The following FRMD4A variants were observed in gnomAD, a reference collection of about 807,000 sequenced individuals.
FRMD4A encodes FERM domain-containing protein 4A.
FRMD4A carries 29 observed loss-of-function variants against 129.1 expected under a neutral mutation model. That is an observed-to-expected ratio of 0.22 (90% CI 0.17 to 0.31). The LOEUF is 0.31. Among genes scored for constraint, FRMD4A ranks in the 10% least tolerant of loss-of-function variants. The pLI is 1.00. For synonymous variants in FRMD4A, 634 were observed against 571.6 expected, an observed-to-expected ratio of 1.11 and a Z score of -1.56; for missense variants, 1,272 against 1,375.8, an observed-to-expected ratio of 0.92 and a Z score of 1.19.
chr10:14,162,646 T>G lies in FRMD4A; in HGVS notation c.45+167412A>C, dbSNP rs572109579. On this transcript the variant is annotated intron_variant, in intron 2 of 24. Coordinates refer to ENST00000357447, the MANE Select transcript of FRMD4A (RefSeq NM_018027.5). ...AGTTTCTCTGTTTTTTTTTTGTTTT[T>G]TTTTTTTTTTTTTGTATATGTTTTC... 1.3e-3 allele frequency among the ~76,000 whole-genome samples: 192 copies of G among 150,180 alleles called. 2 individuals carry two copies. Among genetic ancestry groups the G allele is most frequent in the African/African-American group, 3.6e-3 (148 of 40,652 alleles).
chr10:13,869,050 T>A (rs931765293), intron 2 of FRMD4A, among the ~76,000 whole-genome samples: 2 of 152,236 alleles, frequency 1.3e-5, no homozygotes, highest in Non-Finnish European at 1.5e-5. Flanking sequence ...AAGCTCATCC[T>A]AGGGACGCTG....
chr10:14,216,601 A>G lies in FRMD4A; in HGVS notation c.45+113457T>C, dbSNP rs374711358. Among the ~76,000 whole-genome samples the G allele has an allele frequency of 4.2e-4, 64 of 152,284 alleles. No individual in the cohort carries two copies. In the South Asian group the frequency reaches 0.013, roughly 31 times the overall value. On this transcript the variant is annotated intron_variant, in intron 2 of 24. Coordinates refer to ENST00000357447, the MANE Select transcript of FRMD4A (RefSeq NM_018027.5). Reference sequence around the variant, plus strand: ...ATATCCTTGGTCACTGGAAGAGGCTATGTTTTCAAAAGAGGATGCAAATTG... The same window carrying G: ...ATATCCTTGGTCACTGGAAGAGGCTGTGTTTTCAAAAGAGGATGCAAATTG...
At position 13,737,856 on chromosome 10, in the gene FRMD4A, C is replaced by T; in HGVS notation, c.747G>A (p.Val249=). 1 of 1,589,992 alleles carries T rather than the reference C, an allele frequency of 6.3e-7. No homozygotes were observed. The highest frequency in any genetic ancestry group is 8.6e-7 in the Non-Finnish European group (1 of 1,158,208). ...AGACCAGCCTTACCTTTCTTGGCTT[C>T]ACTTTATCATGGTAGTCATACTGGA... ...GIFQYDYHDK[V]KPRKIFQWRQ... Residue 249 remains valine, a synonymous_variant, in exon 12 of 25, where the codon GTG becomes GTA. Transcript: ENST00000357447.
intron 2 of FRMD4A, among the ~76,000 whole-genome samples, chr10:13,998,451 A>G (rs1232901962): frequency 6.6e-6 from 1 of 151,992 alleles, no homozygotes; most frequent in Non-Finnish European, 1.5e-5. Context: ...TCCAATACAG[A>G]CCTCTCACCC....
intron 21 of FRMD4A, 86 bp downstream of exon 21, chr10:13,659,237 T>C: frequency 8.6e-7 from 1 of 1,165,254 alleles, no homozygotes; most frequent in Non-Finnish European, 1.3e-6. Flanking sequence ...CTGTAGCTCA[T>C]CCATTATTTG....
intron 2 of FRMD4A, among the ~76,000 whole-genome samples, chr10:14,327,177 G>C (rs943801829): frequency 1.6e-4 from 25 of 152,210 alleles, no homozygotes; most frequent in Admixed American, 1.5e-3. Context: ...GACCAACTTA[G>C]GTTCCTGTGG....
At chr10:13,738,762 A>G (rs9633783) in intron 11 of FRMD4A, among the ~76,000 whole-genome samples, 81,814 of 151,910 alleles carry the variant, frequency 0.54, 22,104 homozygotes, top group Non-Finnish European at 0.56. Flanking sequence ...CTGGGATTAC[A>G]GGCACGTGCC....
At chr10:13,771,707 T>C (rs1269623040) in intron 6 of FRMD4A, among the ~76,000 whole-genome samples, 1 of 152,220 alleles carries the variant, frequency 6.6e-6, no homozygotes, top group Non-Finnish European at 1.5e-5. Flanking sequence ...AGCACAGTCC[T>C]GTTTCTTTGG....
chr10:13,668,027 C>T (rs1488655461), intron 17 of FRMD4A: 2 of 152,244 alleles, frequency 1.3e-5, no homozygotes, highest in African/African-American at 4.8e-5. Flanking sequence ...ATCCTTGCCT[C>T]TGGGCACAAT....
chr10:14,274,545 T>C (rs1845273172), intron 2 of FRMD4A, among the ~76,000 whole-genome samples: 1 of 152,104 alleles, frequency 6.6e-6, no homozygotes, highest in African/African-American at 2.4e-5. Context: ...CCTGGAAAGC[T>C]GTTAGAGCTG....
rs184367225 is a variant in FRMD4A at position 14,027,391 on chromosome 10, A to C, written c.46-168479T>G. 8.1e-4 allele frequency among the ~76,000 whole-genome samples: 123 copies of C among 152,356 alleles called. 1 individual carries two copies. Among genetic ancestry groups the C allele is most frequent in the Admixed American group, 7.5e-3 (115 of 15,308 alleles). On this transcript the variant is annotated intron_variant, in intron 2 of 24. Transcript: ENST00000357447. ...CATGGTGGCTCACGCCTATAATCCC[A>C]GCACTTTGGGAGGCCGAGGCGGGTG...
chr10:14,159,093 A>C (rs1014530055), intron 2 of FRMD4A, among the ~76,000 whole-genome samples: 2 of 152,200 alleles, frequency 1.3e-5, no homozygotes, highest in South Asian at 4.1e-4. Flanking sequence ...CAGCCCGAGG[A>C]GGATTATGAT....
intron 2 of FRMD4A, among the ~76,000 whole-genome samples, chr10:13,947,788 C>T (rs891331162): frequency 2.0e-5 from 3 of 152,102 alleles, no homozygotes; most frequent in African/African-American, 7.2e-5. Flanking sequence ...TCCCAAATGC[C>T]TCATTGGATG....
At chr10:13,930,548 G>GTGGTGTTGAAAATGA (rs1554974311) in intron 2 of FRMD4A, among the ~76,000 whole-genome samples, 1 of 152,196 alleles carries the variant, frequency 6.6e-6, no homozygotes, top group Non-Finnish European at 1.5e-5. Context: ...GTTTGTCCCT[G>GTGGTGTTGAAAATGA]TGGTGTTGAA....
Position 13,884,194 on chromosome 10 carries a change from ACT to A in FRMD4A, c.46-25284_46-25283del, listed in dbSNP as rs56291063. On this transcript the variant is annotated intron_variant, in intron 2 of 24. Coordinates refer to ENST00000357447, the MANE Select transcript of FRMD4A (RefSeq NM_018027.5). ...CACACACTCACACACACACACACAC[ACT>A]CACACACACACTCACACACACACAC... Among the ~76,000 whole-genome samples, 346 of 79,884 alleles carry A rather than the reference ACT, an allele frequency of 4.3e-3. 7 individuals carry two copies. Among genetic ancestry groups the A allele is most frequent in the African/African-American group, 0.011 (245 of 22,066 alleles). 52.4% of individuals were successfully genotyped at this position (79,884 alleles called of 152,430 possible).
At chr10:14,284,434 AT>A (rs755480654) in intron 2 of FRMD4A, among the ~76,000 whole-genome samples, 38 of 152,250 alleles carry the variant, frequency 2.5e-4, no homozygotes, top group Non-Finnish European at 4.4e-4. Context: ...GGATCACGAG[AT>A]CAGGACATCA....
intron 2 of FRMD4A, among the ~76,000 whole-genome samples, chr10:14,163,939 T>C (rs1232162280): frequency 6.6e-6 from 1 of 152,140 alleles, no homozygotes; most frequent in Non-Finnish European, 1.5e-5. Flanking sequence ...CCTCTGCAAG[T>C]GCAGTGTGGT....
At chr10:13,746,219 T>C (rs4750404) in intron 9 of FRMD4A, among the ~76,000 whole-genome samples, 84,237 of 151,662 alleles carry the variant, frequency 0.56, 24,182 homozygotes, top group Non-Finnish European at 0.63. Flanking sequence ...GTTTTTTTGT[T>C]TGTTTGTTTT....
At chr10:13,781,306 T>TAAAAAA (rs1253732948) in intron 6 of FRMD4A, among the ~76,000 whole-genome samples, 15 of 79,272 alleles carry the variant, frequency 1.9e-4, no homozygotes, top group Middle Eastern at 0.023. Flanking sequence ...TCTTAAAAAT[T>TAAAAAA]AAAAAAAAAA....
Sources: gnomAD v4.1 joint callset for allele counts (sites outside exome capture counted in the v4.1 genomes callset) on GRCh38, gnomAD v4.1.1 for gene constraint, MANE v1.5 for transcripts, NCBI Gene and HGNC (gene_info 2026-07-23, HGNC 2026-07-21) for gene names.